The following CDH12 variants were observed in gnomAD, a reference collection of about 807,000 sequenced individuals.
The protein encoded by CDH12 is cadherin 12, also known as cadherin-12.
In CDH12, 41 loss-of-function variants were observed where a neutral mutation model predicts 74.1. The ratio of observed to expected loss-of-function variants is 0.55; its 90% CI spans 0.43 to 0.72. CDH12 has a LOEUF of 0.72. Among genes scored for constraint, CDH12 ranks in the 30% least tolerant of loss-of-function variants. CDH12 has a pLI of 0.00. For synonymous variants in CDH12, 399 were observed against 355.0 expected (o/e 1.12, Z -1.39); for missense variants, 945 against 977.2 (o/e 0.97, Z 0.44).
chr5:22,477,554 G>T (rs1288135719), intron 2 of CDH12, among the ~76,000 whole-genome samples: 1 of 152,158 alleles, frequency 6.6e-6, no homozygotes, highest in Non-Finnish European at 1.5e-5. Flanking sequence ...ACGTATGCAT[G>T]CATGAGTCTA....
In CDH12 at chr5:22,782,116, C is replaced by T. The variant is rs557487129; in HGVS notation, c.-523+70942G>A. ...CATAGGCAGAAGGGACTCACCTTGTCTCAAATGAGACTTTGGACTTGGACT... is the reference window on the plus strand; with the variant it reads ...CATAGGCAGAAGGGACTCACCTTGTTTCAAATGAGACTTTGGACTTGGACT... On this transcript the variant is annotated intron_variant, in intron 1 of 14. Transcript: ENST00000382254. 4.6e-5 allele frequency among the ~76,000 whole-genome samples: 7 copies of T among 152,216 alleles called. No individual in the cohort carries two copies. In the South Asian group the frequency reaches 1.2e-3, roughly 27 times the overall value.
chr5:22,485,313 T>C (rs1388205727), intron 2 of CDH12, among the ~76,000 whole-genome samples: 1 of 152,086 alleles, frequency 6.6e-6, no homozygotes, highest in African/African-American at 2.4e-5. Context: ...TCCAGAGCAG[T>C]AGGGACTGCA....
Position 22,751,971 on chromosome 5 carries a change from A to C in CDH12, c.-523+101087T>G, listed in dbSNP as rs565023483. Among the ~76,000 whole-genome samples, 11 of 151,934 alleles carry C rather than the reference A, an allele frequency of 7.2e-5. No homozygotes were observed. The South Asian group carries it at 2.3e-3, about 31-fold the overall frequency. ...ATGCTATACTCTATTTTTTTTGAAG[A>C]GTGATCAGCTACAAGTCTAAACAAA... On this transcript the variant is annotated intron_variant, in intron 1 of 14. Coordinates refer to ENST00000382254, the MANE Select transcript of CDH12 (RefSeq NM_004061.5).
intron 5 of CDH12, among the ~76,000 whole-genome samples, chr5:22,050,063 C>A (rs1162808099): frequency 6.6e-6 from 1 of 152,124 alleles, no homozygotes; most frequent in Non-Finnish European, 1.5e-5. Context: ...TTTCCCCTCC[C>A]AAATTTTTAA....
intron 6 of CDH12, among the ~76,000 whole-genome samples, chr5:21,896,842 G>T (rs1753148292): frequency 1.3e-5 from 2 of 152,044 alleles, no homozygotes; most frequent in African/African-American, 4.8e-5. Context: ...TGAGTTTATT[G>T]GCTTATTTAT....
intron 1 of CDH12, among the ~76,000 whole-genome samples, chr5:22,594,216 A>C (rs1310259426): frequency 6.6e-6 from 1 of 151,924 alleles, no homozygotes; most frequent in Non-Finnish European, 1.5e-5. Flanking sequence ...CCCTTCACAT[A>C]CTCCCCGCTT....
chr5:22,498,474 T>G (rs912453111), intron 2 of CDH12, among the ~76,000 whole-genome samples: 2 of 151,816 alleles, frequency 1.3e-5, no homozygotes, highest in African/African-American at 4.8e-5. Flanking sequence ...CTATAATCCA[T>G]CCCCCTACTG....
At chr5:22,270,638 CAT>C (rs1736356745) in intron 3 of CDH12, among the ~76,000 whole-genome samples, 1 of 151,076 alleles carries the variant, frequency 6.6e-6, no homozygotes, top group Non-Finnish European at 1.5e-5. Flanking sequence ...CACACACACA[CAT>C]CTATATATAT....
intron 13 of CDH12, among the ~76,000 whole-genome samples, chr5:21,757,761 T>C (rs1479153992): frequency 7.1e-6 from 1 of 141,758 alleles, no homozygotes; most frequent in African/African-American, 2.6e-5. Context: ...TAGTCAACAC[T>C]TGGGTTTGGT....
chr5:22,327,144 C>T (rs1001349059), intron 3 of CDH12, among the ~76,000 whole-genome samples: 1 of 151,942 alleles, frequency 6.6e-6, no homozygotes, highest in East Asian at 1.9e-4. Flanking sequence ...ACATTTAATA[C>T]AATACAAATG....
intron 6 of CDH12, among the ~76,000 whole-genome samples, chr5:21,969,809 T>A (rs988567162): frequency 6.6e-6 from 1 of 152,104 alleles, no homozygotes; most frequent in African/African-American, 2.4e-5. Context: ...TCATCAGTAA[T>A]GAGACAAATC....
intron 2 of CDH12, among the ~76,000 whole-genome samples, chr5:22,424,002 C>CAAAAAAAAAAAAAAAA (rs1165781089): frequency 2.9e-3 from 91 of 31,072 alleles, no homozygotes; most frequent in Non-Finnish European, 4.2e-3. Flanking sequence ...GACTCTGTCT[C>CAAAAAAAAAAAAAAAA]AAAAAAAAAA....
chr5:22,031,897 A>G (rs937816598), intron 5 of CDH12, among the ~76,000 whole-genome samples: 1 of 151,906 alleles, frequency 6.6e-6, no homozygotes, highest in African/African-American at 2.4e-5. Context: ...GAACTTTGGA[A>G]TTTTCAAGAA....
At chr5:21,858,622 A>G (rs938963952) in intron 6 of CDH12, among the ~76,000 whole-genome samples, 4 of 151,950 alleles carry the variant, frequency 2.6e-5, no homozygotes, top group African/African-American at 7.2e-5. Context: ...CAAGTTAATG[A>G]GTATATGAAG....
At chr5:21,922,831 A>G (rs1158385014) in intron 6 of CDH12, among the ~76,000 whole-genome samples, 1 of 152,042 alleles carries the variant, frequency 6.6e-6, no homozygotes, top group Non-Finnish European at 1.5e-5. Flanking sequence ...CTGCCAATAC[A>G]AGGTTGATAA....
At chr5:21,809,616 T>C (rs1326426754) in intron 9 of CDH12, among the ~76,000 whole-genome samples, 1 of 152,190 alleles carries the variant, frequency 6.6e-6, no homozygotes, top group Admixed American at 6.6e-5. Context: ...CTAAATTATT[T>C]GCAAAACGTT....
chr5:22,431,588 A>G (rs1744175056), intron 2 of CDH12, among the ~76,000 whole-genome samples: 1 of 152,358 alleles, frequency 6.6e-6, no homozygotes, highest in Middle Eastern at 3.4e-3. Context: ...CAGGCAGGTC[A>G]TTCAGGACAT....
chr5:22,449,801 G>A (rs1744972209), intron 2 of CDH12, among the ~76,000 whole-genome samples: 1 of 151,888 alleles, frequency 6.6e-6, no homozygotes, highest in Admixed American at 6.6e-5. Flanking sequence ...AATTACTTCT[G>A]CATAATGGAA....
intron 1 of CDH12, among the ~76,000 whole-genome samples, chr5:22,676,256 A>C (rs541792144): frequency 6.6e-6 from 1 of 152,312 alleles, no homozygotes; most frequent in Admixed American, 6.5e-5. Flanking sequence ...CCAGAAAATT[A>C]AACTACTGTA....
Sources: allele counts gnomAD v4.1 joint callset (sites outside exome capture counted in the v4.1 genomes callset), GRCh38; gene constraint gnomAD v4.1.1; transcripts MANE v1.5; gene names NCBI Gene and HGNC (gene_info 2026-07-23, HGNC 2026-07-21).